The following WAC variants were observed in gnomAD, a reference collection of about 807,000 sequenced individuals.
WAC encodes WW domain containing adaptor with coiled-coil, also known as WW domain-containing adapter protein with coiled-coil.
WAC carries 11 observed loss-of-function variants against 79.6 expected under a neutral mutation model. The ratio of observed to expected loss-of-function variants is 0.14; its 90% CI spans 0.09 to 0.23. WAC has a LOEUF of 0.23. Among genes scored for constraint, WAC ranks in the 10% least tolerant of loss-of-function variants. WAC has a pLI of 1.00. For missense variants in WAC, 728 were observed against 773.5 expected, an observed-to-expected ratio of 0.94 and a Z score of 0.70; for synonymous variants, 304 against 276.9, an observed-to-expected ratio of 1.10 and a Z score of -0.97.
At position 28,595,939 on chromosome 10, in the gene WAC, G is replaced by A; in HGVS notation, c.817G>A (p.Asp273Asn). 6.2e-7 allele frequency: 1 copy of A among 1,614,110 alleles called. No individual in the cohort carries two copies. The highest frequency in any genetic ancestry group is 8.5e-7 in the Non-Finnish European group (1 of 1,179,988). The change falls in exon 7 of 14, where the codon GAT (aspartate) becomes AAT (asparagine). Residue 273 changes from aspartate to asparagine, a missense_variant. This residue lies in a region of WAC where 648 missense variants were observed against 661.5 expected (regional missense o/e 0.98). Coordinates refer to ENST00000354911, the MANE Select transcript of WAC (RefSeq NM_016628.5). ...VPSSPFTLQSDHQPKKSFDAN... is the reference protein window; with the variant it reads ...VPSSPFTLQSNHQPKKSFDAN... ...TTCTAGTCCATTTACGCTACAGTCT[G>A]ATCACCAGCCAAAGAAATCATTTGA...
chr10:28,617,031 C>T (rs1325935657), intron 12 of WAC, among the ~76,000 whole-genome samples: 1 of 151,966 alleles, frequency 6.6e-6, no homozygotes, highest in Non-Finnish European at 1.5e-5. Context: ...TGCAGTGAGC[C>T]GAGATTGCAC....
chr10:28,551,784 T>TTGTG (rs71769370), intron 3 of WAC, among the ~76,000 whole-genome samples: 6,173 of 124,720 alleles, frequency 0.049, 333 homozygotes, highest in African/African-American at 0.13. Context: ...TCCTGTCTAC[T>TTGTG]TGTGTGTGTG....
chr10:28,621,204 GT>G lies in WAC; in HGVS notation c.*1604del, dbSNP rs1841678936. ...TTTTTTTTCTTTAAATTGGTTTAGG[GT>G]TTTTTGGTGATTTTTTTTTTTTTTT... On this transcript the variant is annotated 3_prime_UTR_variant, in exon 14 of 14. Coordinates refer to ENST00000354911, the MANE Select transcript of WAC (RefSeq NM_016628.5). 4.5e-5 allele frequency: 6 copies of G among 132,086 alleles called. No homozygotes were observed. Among genetic ancestry groups the G allele is most frequent in the African/African-American group, 1.7e-4 (6 of 35,062 alleles). The allele number at this position is 132,086 out of a possible 1,614,324, so 8.2% of individuals were successfully genotyped here.
chr10:28,564,908 A>C (rs1838513873), intron 3 of WAC, among the ~76,000 whole-genome samples: 2 of 152,102 alleles, frequency 1.3e-5, no homozygotes, highest in African/African-American at 4.8e-5. Flanking sequence ...TTTTTGCATG[A>C]ATACGTTAAG....
At position 28,603,436 on chromosome 10, in the gene WAC, G is replaced by A. The variant is rs151154499; in HGVS notation, c.920-4750G>A. Among the ~76,000 whole-genome samples the A allele has an allele frequency of 1.1e-3, 166 of 152,210 alleles. 1 individual carries two copies. Among genetic ancestry groups the A allele is most frequent in the African/African-American group, 3.8e-3 (159 of 41,528 alleles). The stretch of plus-strand genomic sequence containing the variant: ...ATATATTCTTCAAGCGCAGAAGAAA[G>A]CATTGAACTGACTTTTTAATGAAAA... On this transcript the variant is annotated intron_variant, in intron 7 of 13. Coordinates refer to ENST00000354911, the MANE Select transcript of WAC (RefSeq NM_016628.5).
chr10:28,569,406 T>C (rs1380632067), intron 3 of WAC, among the ~76,000 whole-genome samples: 1 of 152,256 alleles, frequency 6.6e-6, no homozygotes, highest in Non-Finnish European at 1.5e-5. Context: ...CTGCTCTCTT[T>C]TGATAGCATA....
intron 3 of WAC, among the ~76,000 whole-genome samples, chr10:28,566,447 C>T (rs1838619943): frequency 6.6e-6 from 1 of 152,156 alleles, no homozygotes; most frequent in Non-Finnish European, 1.5e-5. Flanking sequence ...TGATCTCAGA[C>T]AGTAAGCAGG....
chr10:28,533,517 G>T lies in WAC; in HGVS notation c.-63G>T, dbSNP rs959391192. On this transcript the variant is annotated 5_prime_UTR_variant, in exon 1 of 14. Transcript: ENST00000354911. ...CGCCCGCCGCCGCCGCCGCCTGCGCGCCCGCCCGCCTTTCGCGGCCGCTCT... is the reference window on the plus strand; with the variant it reads ...CGCCCGCCGCCGCCGCCGCCTGCGCTCCCGCCCGCCTTTCGCGGCCGCTCT... 7 of 1,136,214 alleles carry T rather than the reference G, an allele frequency of 6.2e-6. No homozygotes were observed. The Admixed American group carries it at 2.3e-4, about 38-fold the overall frequency. 70.4% of individuals were successfully genotyped at this position (1,136,214 alleles called of 1,614,324 possible).
intron 11 of WAC, chr10:28,615,506 T>G (rs893259228): frequency 6.6e-6 from 1 of 152,248 alleles, no homozygotes; most frequent in Non-Finnish European, 1.5e-5. Flanking sequence ...TGAAAACTCT[T>G]CATCCTTTGG....
At chr10:28,534,884 A>G (rs561564748) in intron 2 of WAC, among the ~76,000 whole-genome samples, 1 of 152,244 alleles carries the variant, frequency 6.6e-6, no homozygotes, top group African/African-American at 2.4e-5. Flanking sequence ...TCCAAAGCAT[A>G]GCTGATTACA....
At chr10:28,562,327 A>T (rs1838346627) in intron 3 of WAC, among the ~76,000 whole-genome samples, 1 of 152,136 alleles carries the variant, frequency 6.6e-6, no homozygotes, top group African/African-American at 2.4e-5. Flanking sequence ...AAGTGTTGGG[A>T]TTACAGGCAT....
At chr10:28,593,857 C>T (rs1333986875) in intron 6 of WAC, among the ~76,000 whole-genome samples, 1 of 151,964 alleles carries the variant, frequency 6.6e-6, no homozygotes, top group Admixed American at 6.6e-5. Flanking sequence ...CAAACCTGTG[C>T]TTTATATGTT....
intron 1 of WAC, 154 bp from the exon 2 acceptor site, chr10:28,533,844 G>T (rs1836437728): frequency 1.9e-6 from 2 of 1,064,788 alleles, no homozygotes; most frequent in Non-Finnish European, 2.7e-6. Flanking sequence ...CCCTTCCGGA[G>T]GCTCCGGGTT....
chr10:28,582,966 A>G (rs1290842664), intron 3 of WAC, among the ~76,000 whole-genome samples: 1 of 152,166 alleles, frequency 6.6e-6, no homozygotes, highest in East Asian at 1.9e-4. Context: ...AATAGGGGAA[A>G]CTGTTAAGAA....
chr10:28,618,561 A>G (rs985080592), intron 13 of WAC, among the ~76,000 whole-genome samples: 1 of 152,224 alleles, frequency 6.6e-6, no homozygotes, highest in Non-Finnish European at 1.5e-5. Flanking sequence ...TTGTTACATC[A>G]TTCGACTTTT....
At chr10:28,599,495 G>A (rs1402424490) in intron 7 of WAC, among the ~76,000 whole-genome samples, 1 of 152,206 alleles carries the variant, frequency 6.6e-6, no homozygotes, top group Non-Finnish European at 1.5e-5. Context: ...AGGCATCCAT[G>A]TTCTATGTGT....
chr10:28,590,523 G>A (rs1359635494), intron 5 of WAC, among the ~76,000 whole-genome samples, 197 bp from the exon 6 acceptor site: 1 of 151,966 alleles, frequency 6.6e-6, no homozygotes, highest in East Asian at 1.9e-4. Context: ...ATAACAATTG[G>A]TATAATTTTG....
intron 6 of WAC, among the ~76,000 whole-genome samples, chr10:28,592,424 C>A (rs1840139014): frequency 6.6e-6 from 1 of 151,994 alleles, no homozygotes; most frequent in African/African-American, 2.4e-5. Flanking sequence ...GAGATCGAGC[C>A]CATCCTGGCC....
At chr10:28,569,779 T>C (rs769894587) in intron 3 of WAC, among the ~76,000 whole-genome samples, 48 of 152,244 alleles carry the variant, frequency 3.2e-4, no homozygotes, top group Non-Finnish European at 6.3e-4. Flanking sequence ...CCAGTAATCA[T>C]TGAGATTCTG....
Sources: gnomAD v4.1 joint callset for allele counts (sites outside exome capture counted in the v4.1 genomes callset) on GRCh38, gnomAD v4.1.1 for gene constraint, gnomAD v4.1.1 regional missense constraint, MANE v1.5 for transcripts, NCBI Gene and HGNC (gene_info 2026-07-23, HGNC 2026-07-21) for gene names.